Variants in PEX5L observed in about 807,000 individuals in gnomAD.
The protein encoded by PEX5L is peroxisomal biogenesis factor 5 like.
In PEX5L, 30 loss-of-function variants were observed where a neutral mutation model predicts 84.0. The observed-to-expected ratio is 0.36, with a 90% CI of 0.27 to 0.48. The LOEUF is 0.48. PEX5L is among the 20% of genes least tolerant of loss of function. The probability of loss-of-function intolerance (pLI) is 0.99; values close to 1 mark genes in which losing one functional copy is unlikely to be tolerated. For missense variants in PEX5L, 533 were observed against 754.6 expected (o/e 0.71, Z 3.44); for synonymous variants, 270 against 283.1 (o/e 0.95, Z 0.46).
Position 179,875,478 on chromosome 3 carries a change from C to T in PEX5L, c.506-1G>A. 1.3e-6 allele frequency: 2 copies of T among 1,586,026 alleles called. No individual in the cohort carries two copies. The highest frequency in any genetic ancestry group is 1.7e-6 in the Non-Finnish European group (2 of 1,163,380). On this transcript the variant is annotated splice_acceptor_variant, in intron 5 of 14. Coordinates refer to ENST00000467460, the MANE Select transcript of PEX5L (RefSeq NM_016559.3). LOFTEE classifies it high-confidence loss of function. ...CATTTTTCCAGTTGTGTTTGAATGTCTAGTAAGTACAGAGGAAGCAGGTGA... is the reference window on the plus strand; with the variant it reads ...CATTTTTCCAGTTGTGTTTGAATGTTTAGTAAGTACAGAGGAAGCAGGTGA...
chr3:179,810,402 G>C (rs891496100), intron 11 of PEX5L, among the ~76,000 whole-genome samples: 2 of 152,078 alleles, frequency 1.3e-5, no homozygotes, highest in African/African-American at 4.8e-5. Flanking sequence ...TTTTGCAAAG[G>C]AGAGGGAAAT....
intron 2 of PEX5L, among the ~76,000 whole-genome samples, chr3:179,961,247 CAGGA>C (rs754673083): frequency 7.5e-4 from 111 of 148,738 alleles, no homozygotes; most frequent in Admixed American, 1.7e-3. Context: ...GATCACAAGA[CAGGA>C]AGGAAGTGGT....
rs1306401451 is a variant in PEX5L, at chr3:179,970,125, G to T, written c.93+1469C>A. On this transcript the variant is annotated intron_variant, in intron 2 of 14. Transcript: ENST00000467460. ...AAAGAAAGAAAAGAAAAGCTTTGGG[G>T]TAGGAAGATAGTAAATAAGAAGAAA... Among the ~76,000 whole-genome samples, 3 of 152,176 alleles carry T rather than the reference G, an allele frequency of 2.0e-5. No individual in the cohort carries two copies. The East Asian group carries it at 5.8e-4, about 29-fold the overall frequency.
At chr3:180,007,138 TG>T (rs570703085) in intron 1 of PEX5L, among the ~76,000 whole-genome samples, 22 of 152,222 alleles carry the variant, frequency 1.4e-4, no homozygotes, top group Middle Eastern at 6.8e-3. Context: ...CTAGATACAA[TG>T]GGGGTACAGG....
At position 179,819,864 on chromosome 3, in the gene PEX5L, T is replaced by C; in HGVS notation, c.935A>G (p.Glu312Gly). 6.2e-7 allele frequency: 1 copy of C among 1,613,992 alleles called. No individual in the cohort carries two copies. The highest frequency in any genetic ancestry group is 8.5e-7 in the Non-Finnish European group (1 of 1,179,902). The change falls in exon 9 of 15, where the codon GAG becomes GGG. Residue 312 changes from glutamate (E) to glycine (G), a missense_variant. Physicochemically the swap from Glu to Gly is moderately conservative, Grantham distance 98. Coordinates refer to ENST00000467460, the MANE Select transcript of PEX5L (RefSeq NM_016559.3). ...TATAGGAACAGAATTGGTTACCTTC[T>C]CACTAGCCGAGATGGTTACTTGGTT... ...AQNQVTISAS[E>G]KGYYFHTENP...
At chr3:179,974,249 C>T in intron 1 of PEX5L, 4 of 957,792 alleles carry the variant, frequency 4.2e-6, no homozygotes, top group Non-Finnish European at 5.0e-6. Flanking sequence ...AATCTCTCCA[C>T]CTTCCAAGTG....
chr3:179,915,185 T>C (rs1766595590), intron 2 of PEX5L, among the ~76,000 whole-genome samples: 1 of 152,170 alleles, frequency 6.6e-6, no homozygotes, highest in Non-Finnish European at 1.5e-5. Flanking sequence ...ATTTGTTGAA[T>C]GATTTTTTAA....
chr3:179,956,573 A>G (rs1251529976), intron 2 of PEX5L, among the ~76,000 whole-genome samples: 1 of 152,192 alleles, frequency 6.6e-6, no homozygotes, highest in Non-Finnish European at 1.5e-5. Flanking sequence ...AAAGTAAATT[A>G]TCTCCTAAGT....
In PEX5L at chr3:179,815,934, A is replaced by T; in HGVS notation, c.1010T>A (p.Leu337Gln). Residue 337 changes from leucine (L) to glutamine (Q), a missense_variant, in exon 10 of 15, where the codon CTG (leucine) becomes CAG (glutamine). Physicochemically the swap from Leu to Gln is moderately radical, Grantham distance 113. Coordinates refer to ENST00000467460, the MANE Select transcript of PEX5L (RefSeq NM_016559.3). ...PGAFEEGLKR[L>Q]KEGDLPVTIL... ...GGTGACTGGCAGATCCCCTTCCTTCAGCCTTTTTAAGCCTTCTTCAAATGC... is the reference window on the plus strand; with the variant it reads ...GGTGACTGGCAGATCCCCTTCCTTCTGCCTTTTTAAGCCTTCTTCAAATGC... 1 of 1,614,134 alleles carries T rather than the reference A, an allele frequency of 6.2e-7. No individual in the cohort carries two copies.
At position 179,819,887 on chromosome 3, in the gene PEX5L, G is replaced by T; in HGVS notation, c.912C>A (p.Asn304Lys). 6.2e-7 allele frequency: 1 copy of T among 1,614,008 alleles called. No homozygotes were observed. Among genetic ancestry groups the T allele is most frequent in the South Asian group, 1.1e-5 (1 of 91,076 alleles). ...TCTCACTAGCCGAGATGGTTACTTGGTTCTGGGCTTCTTGGTTCTCAGATA... is the reference window on the plus strand; with the variant it reads ...TCTCACTAGCCGAGATGGTTACTTGTTTCTGGGCTTCTTGGTTCTCAGATA... Reference protein sequence around the residue: ...NWISENQEAQNQVTISASEKG... With the variant: ...NWISENQEAQKQVTISASEKG... The change falls in exon 9 of 15, where the codon AAC becomes AAA. Residue 304 changes from asparagine (N) to lysine (K), a missense_variant. Asn to Lys is a moderately conservative substitution (Grantham distance 94). Around this residue, in one of 8 missense-constraint regions of PEX5L, gnomAD observed 58 missense variants for 56.4 expected, o/e 1.03. Coordinates refer to ENST00000467460, the MANE Select transcript of PEX5L (RefSeq NM_016559.3).
intron 10 of PEX5L, among the ~76,000 whole-genome samples, chr3:179,814,824 A>G (rs560862454): frequency 6.6e-6 from 1 of 152,162 alleles, no homozygotes; most frequent in East Asian, 1.9e-4. Context: ...CTTTCAGATG[A>G]ATTTCAAATT....
At chr3:180,017,220 C>T (rs1790021878) in intron 1 of PEX5L, among the ~76,000 whole-genome samples, 1 of 152,180 alleles carries the variant, frequency 6.6e-6, no homozygotes, top group Non-Finnish European at 1.5e-5. Flanking sequence ...GTTTACCAAA[C>T]TTAAATGTTT....
chr3:180,030,839 G>A (rs1791387822), intron 1 of PEX5L, among the ~76,000 whole-genome samples: 1 of 152,008 alleles, frequency 6.6e-6, no homozygotes, highest in African/African-American at 2.4e-5. Context: ...AAACTTTGGG[G>A]AGTTGTGCAT....
intron 1 of PEX5L, among the ~76,000 whole-genome samples, chr3:180,016,804 T>C (rs1789986057): frequency 6.6e-6 from 1 of 152,246 alleles, no homozygotes; most frequent in Non-Finnish European, 1.5e-5. Flanking sequence ...TTTATTTGCA[T>C]TTATATTTGA....
intron 1 of PEX5L, among the ~76,000 whole-genome samples, chr3:179,986,065 G>A (rs1459876196): frequency 6.6e-6 from 1 of 151,948 alleles, no homozygotes; most frequent in Non-Finnish European, 1.5e-5. Flanking sequence ...GGCTCTCTCT[G>A]CACATTGATC....
chr3:179,874,738 G>GTTTTTTTTTTT (rs3836472), intron 6 of PEX5L, among the ~76,000 whole-genome samples: 127 of 45,978 alleles, frequency 2.8e-3, no homozygotes, highest in East Asian at 0.011. Flanking sequence ...TTTTTTTTTT[G>GTTTTTTTTTTT]TTTTTTTTTT....
At chr3:179,888,735 C>T (rs1756678243) in intron 3 of PEX5L, among the ~76,000 whole-genome samples, 1 of 151,572 alleles carries the variant, frequency 6.6e-6, no homozygotes, top group Non-Finnish European at 1.5e-5. Flanking sequence ...AAAAGACACA[C>T]CTCATAATCT....
chr3:179,921,998 CAT>C (rs1769580886), intron 2 of PEX5L: 1 of 152,170 alleles, frequency 6.6e-6, no homozygotes, highest in Non-Finnish European at 1.5e-5. Context: ...GACACAAAAA[CAT>C]ATTGCATTCA....
intron 8 of PEX5L, among the ~76,000 whole-genome samples, chr3:179,825,154 G>A (rs1729966763): frequency 6.6e-6 from 1 of 152,296 alleles, no homozygotes; most frequent in South Asian, 2.1e-4. Flanking sequence ...TGCTGATGAA[G>A]AATGGGTAAA....
Sources: allele counts gnomAD v4.1 joint callset (sites outside exome capture counted in the v4.1 genomes callset), GRCh38; gene constraint gnomAD v4.1.1; regional missense constraint gnomAD v4.1.1; transcripts MANE v1.5; gene names NCBI Gene and HGNC (gene_info 2026-07-23, HGNC 2026-07-21).